Variants in NCAM1 observed in about 807,000 individuals in gnomAD.
The protein encoded by NCAM1 is neural cell adhesion molecule 1, also known as antigen recognized by monoclonal antibody 5.1H11.
In NCAM1, 14 loss-of-function variants were observed where a neutral mutation model predicts 109.8. The ratio of observed to expected loss-of-function variants is 0.13; its 90% CI spans 0.08 to 0.20. NCAM1 has a LOEUF of 0.20. Among genes scored for constraint, NCAM1 ranks in the 10% least tolerant of loss-of-function variants. NCAM1 has a pLI of 1.00. For missense variants in NCAM1, 774 were observed against 1,109.9 expected (o/e 0.70, Z 4.30); for synonymous variants, 418 against 442.9 (o/e 0.94, Z 0.70).
intron 1 of NCAM1, among the ~76,000 whole-genome samples, chr11:113,079,659 A>C (rs1215642369): frequency 6.6e-6 from 1 of 152,182 alleles, no homozygotes; most frequent in Non-Finnish European, 1.5e-5. Flanking sequence ...CTTCATAATA[A>C]ATCCATTATA....
At chr11:113,237,353 A>T (rs1021812954) in intron 14 of NCAM1, among the ~76,000 whole-genome samples, 9 of 152,254 alleles carry the variant, frequency 5.9e-5, no homozygotes, top group Non-Finnish European at 1.3e-4. Context: ...AAGGAAGCTT[A>T]TCTTTTTAAC....
chr11:113,033,973 A>G (rs1952791385), intron 1 of NCAM1, among the ~76,000 whole-genome samples: 1 of 152,146 alleles, frequency 6.6e-6, no homozygotes, highest in Admixed American at 6.5e-5. Context: ...CTTTTTTTCA[A>G]GTTCTGACTT....
At chr11:113,059,575 C>G (rs1316330410) in intron 1 of NCAM1, among the ~76,000 whole-genome samples, 1 of 152,146 alleles carries the variant, frequency 6.6e-6, no homozygotes, top group Non-Finnish European at 1.5e-5. Context: ...AAGATTCTCA[C>G]AGCCTGGGGG....
At chr11:113,057,862 G>A (rs181509828) in intron 1 of NCAM1, among the ~76,000 whole-genome samples, 19 of 152,326 alleles carry the variant, frequency 1.2e-4, no homozygotes, top group African/African-American at 2.6e-4. Flanking sequence ...TCAGCAGACC[G>A]CAAGACTTCT....
chr11:113,148,101 C>T (rs1555101668), intron 1 of NCAM1, among the ~76,000 whole-genome samples: 1 of 152,178 alleles, frequency 6.6e-6, no homozygotes, highest in East Asian at 1.9e-4. Context: ...ATCTTCTCTC[C>T]CCTCCTTTCA....
At chr11:113,128,023 T>A (rs1442304795) in intron 1 of NCAM1, among the ~76,000 whole-genome samples, 1 of 152,226 alleles carries the variant, frequency 6.6e-6, no homozygotes, top group African/African-American at 2.4e-5. Flanking sequence ...ACCAGACTGC[T>A]GGGGCCGACA....
chr11:113,025,762 G>C (rs1952521067), intron 1 of NCAM1, among the ~76,000 whole-genome samples: 1 of 137,798 alleles, frequency 7.3e-6, no homozygotes, highest in Non-Finnish European at 1.5e-5. Flanking sequence ...AATGAGATTG[G>C]AACGACACAG....
At chr11:113,148,195 G>A (rs1290861895) in intron 1 of NCAM1, among the ~76,000 whole-genome samples, 2 of 152,072 alleles carry the variant, frequency 1.3e-5, no homozygotes, top group African/African-American at 4.8e-5. Flanking sequence ...GGGGCAGTTC[G>A]GACGTGCAGG....
chr11:112,988,657 C>T (rs1294631204), intron 1 of NCAM1, among the ~76,000 whole-genome samples: 1 of 151,896 alleles, frequency 6.6e-6, no homozygotes, highest in Non-Finnish European at 1.5e-5. Context: ...GTGAGAAGTC[C>T]ACTGATACCT....
intron 1 of NCAM1, among the ~76,000 whole-genome samples, chr11:113,050,586 G>T (rs1953443130): frequency 6.6e-6 from 1 of 151,940 alleles, no homozygotes; most frequent in African/African-American, 2.4e-5. Flanking sequence ...CTATAGCCTT[G>T]TAGTGTAGTT....
intron 17 of NCAM1, among the ~76,000 whole-genome samples, chr11:113,268,493 A>G (rs1380187790): frequency 1.3e-5 from 2 of 152,170 alleles, no homozygotes; most frequent in African/African-American, 4.8e-5. Context: ...GGGACTAAAA[A>G]CATGTACGAG....
chr11:113,206,272 T>G (rs1944235457), intron 5 of NCAM1, 92 bp downstream of exon 5: 1 of 1,373,002 alleles, frequency 7.3e-7, no homozygotes. Flanking sequence ...GTCTGTAAAT[T>G]AAATCCTGTC....
intron 7 of NCAM1, among the ~76,000 whole-genome samples, chr11:113,209,886 A>C (rs2136970207): frequency 6.6e-6 from 1 of 152,336 alleles, no homozygotes; most frequent in South Asian, 2.1e-4. Flanking sequence ...AAAATGTACT[A>C]TTTCATAAGT....
intron 14 of NCAM1, chr11:113,242,694 T>A (rs562778051): frequency 7.0e-5 from 63 of 901,954 alleles, no homozygotes; most frequent in Non-Finnish European, 1.1e-4. Context: ...TGCCTACATA[T>A]GTATAATATA....
intron 1 of NCAM1, among the ~76,000 whole-genome samples, chr11:113,034,867 A>T (rs17114718): frequency 0.14 from 20,578 of 152,160 alleles, 1,433 homozygotes; most frequent in African/African-American, 0.15. Flanking sequence ...GGGCTGAAAA[A>T]TAGTTTCTAT....
At chr11:113,019,154 G>C (rs576896375) in intron 1 of NCAM1, among the ~76,000 whole-genome samples, 1 of 152,080 alleles carries the variant, frequency 6.6e-6, no homozygotes, top group Admixed American at 6.5e-5. Flanking sequence ...ACACCTCTGC[G>C]CCATTCGATA....
chr11:112,997,229 T>C (rs554949051), intron 1 of NCAM1, among the ~76,000 whole-genome samples: 18 of 152,236 alleles, frequency 1.2e-4, no homozygotes, highest in African/African-American at 3.4e-4. Flanking sequence ...AGAGACATGA[T>C]TATTTTGAGA....
intron 9 of NCAM1, 67 bp from the exon 10 acceptor site, chr11:113,231,578 C>T (rs1945007186): frequency 6.6e-7 from 1 of 1,509,994 alleles, no homozygotes; most frequent in Non-Finnish European, 9.1e-7. Context: ...CCCATCCTGC[C>T]ATAGCACTGT....
At chr11:112,980,100 A>T (rs1951113908) in intron 1 of NCAM1, among the ~76,000 whole-genome samples, 1 of 151,872 alleles carries the variant, frequency 6.6e-6, no homozygotes, top group Non-Finnish European at 1.5e-5. Context: ...AGATGTCAAC[A>T]TCATTAGCCA....
Sources: gnomAD v4.1 joint callset for allele counts (sites outside exome capture counted in the v4.1 genomes callset) on GRCh38, gnomAD v4.1.1 for gene constraint, MANE v1.5 for transcripts, NCBI Gene and HGNC (gene_info 2026-07-23, HGNC 2026-07-21) for gene names.